The following HYDIN variants were observed in gnomAD, a reference collection of about 807,000 sequenced individuals.
HYDIN encodes the protein axonemal central pair apparatus protein HYDIN.
A neutral mutation model predicts 403.9 loss-of-function variants in HYDIN; 132 were observed. That is an observed-to-expected ratio of 0.33 (90% CI 0.28 to 0.38). The LOEUF (loss-of-function observed/expected upper bound fraction) is 0.38. Ranked by LOEUF, HYDIN falls within the 10% of genes least tolerant of loss-of-function variation. HYDIN has a pLI of 1.00. For missense variants in HYDIN, 2,827 were observed against 5,009.5 expected, an observed-to-expected ratio of 0.56 and a Z score of 13.15; for synonymous variants, 1,202 against 1,891.7, an observed-to-expected ratio of 0.64 and a Z score of 9.46.
intron 41 of HYDIN, among the ~76,000 whole-genome samples, chr16:70,951,597 G>A (rs1239888780): frequency 6.6e-6 from 1 of 152,036 alleles, no homozygotes; most frequent in Non-Finnish European, 1.5e-5. Flanking sequence ...CCCAAAGGAA[G>A]CCGGTTCTCT....
At chr16:71,033,597 G>C in intron 18 of HYDIN, among the ~76,000 whole-genome samples, 1 of 151,764 alleles carries the variant, frequency 6.6e-6, no homozygotes, top group Non-Finnish European at 1.5e-5. Context: ...CATGGACACA[G>C]GGAGGGGAAC....
intron 75 of HYDIN, among the ~76,000 whole-genome samples, chr16:70,841,796 A>C (rs1342700861): frequency 6.6e-6 from 1 of 151,816 alleles, no homozygotes; most frequent in Non-Finnish European, 1.5e-5. Flanking sequence ...GTTACGATGC[A>C]GCCATAAGGC....
At chr16:71,063,367 G>A (rs375879697) in intron 16 of HYDIN, among the ~76,000 whole-genome samples, 10 of 151,552 alleles carry the variant, frequency 6.6e-5, no homozygotes, top group African/African-American at 2.4e-4. Flanking sequence ...CCTAGGTTTT[G>A]GTATCTTGTT....
chr16:71,107,393 G>A lies in HYDIN; in HGVS notation c.1327+8303C>T, dbSNP rs567144197. 6.9e-4 allele frequency among the ~76,000 whole-genome samples: 104 copies of A among 150,744 alleles called. No individual in the cohort carries two copies. The South Asian group carries it at 0.021, about 30-fold the overall frequency. ...GCAGACTAAAGAGGGAAAACCCAAA[G>A]AATGGGAAAAAATATTTGCAAACTA... On this transcript the variant is annotated intron_variant, in intron 10 of 85. Coordinates refer to ENST00000393567, the MANE Select transcript of HYDIN (RefSeq NM_001270974.2).
chr16:70,927,893 T>A (rs1177785756), intron 45 of HYDIN, among the ~76,000 whole-genome samples: 3 of 150,630 alleles, frequency 2.0e-5, no homozygotes, highest in African/African-American at 7.3e-5. Context: ...CAAGGTGAAG[T>A]AAAGACATTT....
intron 18 of HYDIN, among the ~76,000 whole-genome samples, chr16:71,049,862 C>T (rs1250109411): frequency 7.0e-6 from 1 of 143,306 alleles, no homozygotes; most frequent in Admixed American, 7.1e-5. Flanking sequence ...AAACTTTAGA[C>T]TTGCCAAAAT....
rs2143408929 is a variant in HYDIN, at chr16:70,806,393, G to A, written c.*1187C>T. Among the ~76,000 whole-genome samples, 1 of 152,258 alleles carries A rather than the reference G, an allele frequency of 6.6e-6. No homozygotes were observed. The highest frequency in any genetic ancestry group is 2.1e-4 in the South Asian group (1 of 4,824). On this transcript the variant is annotated 3_prime_UTR_variant, in exon 86 of 86. Coordinates refer to ENST00000393567, the MANE Select transcript of HYDIN (RefSeq NM_001270974.2). Reference sequence around the variant, plus strand: ...TCCTAGAGTATACTGGGCTAGGGTTGTGGGGAGGTACAGAAGAAGGAGAAG... The same window carrying A: ...TCCTAGAGTATACTGGGCTAGGGTTATGGGGAGGTACAGAAGAAGGAGAAG...
At chr16:71,061,646 T>C (rs1455831592) in intron 17 of HYDIN, among the ~76,000 whole-genome samples, 1 of 151,802 alleles carries the variant, frequency 6.6e-6, no homozygotes, top group Non-Finnish European at 1.5e-5. Flanking sequence ...ATGAGTCAAG[T>C]TAATATACAA....
chr16:71,030,178 G>T (rs1296771273), intron 19 of HYDIN, among the ~76,000 whole-genome samples: 1 of 151,944 alleles, frequency 6.6e-6, no homozygotes, highest in African/African-American at 2.4e-5. Flanking sequence ...AGCCTCCCAA[G>T]TAGGTAGGAC....
At chr16:71,211,079 G>A (rs1398500502) in intron 1 of HYDIN, among the ~76,000 whole-genome samples, 2 of 152,100 alleles carry the variant, frequency 1.3e-5, no homozygotes, top group Admixed American at 1.3e-4. Flanking sequence ...GGAAGTATGA[G>A]GAACCTTCTC....
chr16:71,175,688 G>A lies in HYDIN; in HGVS notation c.435C>T (p.Ile145=), dbSNP rs1375164673. 4 of 1,614,002 alleles carry A rather than the reference G, an allele frequency of 2.5e-6. No homozygotes were observed. The highest frequency in any genetic ancestry group is 1.3e-5 in the African/African-American group (1 of 74,946). Residue 145 remains isoleucine (I), a synonymous_variant, in exon 5 of 86, where the codon ATC becomes ATT. Coordinates refer to ENST00000393567, the MANE Select transcript of HYDIN (RefSeq NM_001270974.2). The part of the protein sequence containing the change: ...VEESSPYFKV[I]SPKDIGHKVA... ...CTTTGTGGCCAATATCTTTGGGGCTGATTACTTTAAAGTAAGGCGAACTTT... is the reference window on the plus strand; with the variant it reads ...CTTTGTGGCCAATATCTTTGGGGCTAATTACTTTAAAGTAAGGCGAACTTT...
intron 4 of HYDIN, 159 bp from the exon 5 acceptor site, chr16:71,175,900 C>A (rs1261621785): frequency 1.4e-6 from 1 of 725,932 alleles, no homozygotes; most frequent in Non-Finnish European, 2.5e-6. Flanking sequence ...TATCTTTATC[C>A]CATACAAAGT....
At chr16:71,135,952 C>T (rs531158835) in intron 8 of HYDIN, among the ~76,000 whole-genome samples, 23 of 151,708 alleles carry the variant, frequency 1.5e-4, no homozygotes, top group South Asian at 6.3e-4. Flanking sequence ...TTCCACGGAC[C>T]TAAGACTTTT....
intron 45 of HYDIN, among the ~76,000 whole-genome samples, chr16:70,925,034 T>C (rs937554178): frequency 3.3e-5 from 5 of 152,132 alleles, no homozygotes; most frequent in Admixed American, 3.3e-4. Context: ...TCCCAGGGAC[T>C]GAAGCTCAGT....
At chr16:71,006,756 G>A (rs1434195855) in intron 23 of HYDIN, among the ~76,000 whole-genome samples, 3 of 151,878 alleles carry the variant, frequency 2.0e-5, no homozygotes, top group African/African-American at 7.3e-5. Flanking sequence ...TCTTCACCCT[G>A]CTGGGACTGA....
chr16:71,197,857 C>T (rs999966037), intron 1 of HYDIN, among the ~76,000 whole-genome samples: 2 of 152,228 alleles, frequency 1.3e-5, no homozygotes, highest in Non-Finnish European at 2.9e-5. Flanking sequence ...ACGCAATTCT[C>T]ATGCCTCAGC....
Position 71,116,273 on chromosome 16 carries a change from G to C in HYDIN, c.1228-478C>G, listed in dbSNP as rs536292516. Among the ~76,000 whole-genome samples the C allele has an allele frequency of 2.1e-5, 3 of 141,268 alleles. No homozygotes were observed. The South Asian group carries it at 6.7e-4, about 31-fold the overall frequency. The allele number at this position is 141,268 out of a possible 152,430, so 92.7% of individuals were successfully genotyped here. ...TTTTTAAGATTTCACACACATATGA[G>C]TGAGATCATGTGGTATTTGTCTTTC... is the stretch of plus-strand genomic sequence containing the variant. On this transcript the variant is annotated intron_variant, in intron 9 of 85. Coordinates refer to ENST00000393567, the MANE Select transcript of HYDIN (RefSeq NM_001270974.2).
In HYDIN at chr16:71,157,840, C is replaced by T. The variant is rs1427018189; in HGVS notation, c.716+4691G>A. Among the ~76,000 whole-genome samples, 12 of 142,760 alleles carry T rather than the reference C, an allele frequency of 8.4e-5. No individual in the cohort carries two copies. In the Admixed American group the frequency reaches 8.6e-4, roughly 10 times the overall value. The allele number at this position is 142,760 out of a possible 152,430, so 93.7% of individuals were successfully genotyped here. A position where few individuals can be genotyped will look rare whatever the true frequency, so the allele number is the denominator to read the frequency against. On this transcript the variant is annotated intron_variant, in intron 6 of 85. Coordinates refer to ENST00000393567, the MANE Select transcript of HYDIN (RefSeq NM_001270974.2). ...TCATAACAGCGGTAAGCTTTTTCCA[C>T]CCCTGGACTGGAAGCAAAAGGAGAG...
chr16:71,193,680 T>A (rs2087547445), intron 1 of HYDIN, among the ~76,000 whole-genome samples: 1 of 152,182 alleles, frequency 6.6e-6, no homozygotes, highest in East Asian at 1.9e-4. Context: ...TAAAGCAGAA[T>A]CTCATAATGT....
Sources: allele counts gnomAD v4.1 joint callset (sites outside exome capture counted in the v4.1 genomes callset), GRCh38; gene constraint gnomAD v4.1.1; transcripts MANE v1.5; gene names NCBI Gene and HGNC (gene_info 2026-07-23, HGNC 2026-07-21).